The following STAT5A variants were observed in gnomAD, a reference collection of about 807,000 sequenced individuals.
STAT5A encodes signal transducer and activator of transcription 5A.
In STAT5A, 26 loss-of-function variants were observed where a neutral mutation model predicts 100.2. The observed-to-expected ratio is 0.26, with a 90% confidence interval of 0.19 to 0.36. STAT5A has a LOEUF of 0.36. Among genes scored for constraint, STAT5A ranks in the 10% least tolerant of loss-of-function variants. The pLI is 1.00. For synonymous variants in STAT5A, 330 were observed against 424.3 expected, an observed-to-expected ratio of 0.78 and a Z score of 2.73; for missense variants, 634 against 1,027.5, an observed-to-expected ratio of 0.62 and a Z score of 5.24.
At chr17:42,309,606 TGAG>T in intron 18 of STAT5A, 122 bp downstream of exon 18, 1 of 972,568 alleles carries the variant, frequency 1.0e-6, no homozygotes, top group Non-Finnish European at 1.5e-6. Flanking sequence ...CCAGGAGGAG[TGAG>T]ATCAGCCAGG....
In STAT5A at chr17:42,310,490, C is replaced by T; in HGVS notation, c.2223-17C>T. 1 of 1,613,744 alleles carries T rather than the reference C, an allele frequency of 6.2e-7. No homozygotes were observed. Among genetic ancestry groups the T allele is most frequent in the Non-Finnish European group, 8.5e-7 (1 of 1,179,722 alleles). ...GAGACATGCCAGCTCCCTCTGACAT[C>T]CCCCTGTCTTTACCAGCCCTGACCA... On this transcript the variant is annotated splice_polypyrimidine_tract_variant and intron_variant, in intron 18 of 18. Coordinates refer to ENST00000590949, the MANE Select transcript of STAT5A (RefSeq NM_001288718.2).
chr17:42,290,087 TG>T, intron 3 of STAT5A, 65 bp downstream of exon 3: 4 of 1,496,702 alleles, frequency 2.7e-6, no homozygotes, highest in Non-Finnish European at 3.6e-6. Flanking sequence ...TCAGAACCCC[TG>T]GGTTTTTTCC....
chr17:42,298,407 T>C (rs2080940476), intron 5 of STAT5A, among the ~76,000 whole-genome samples: 1 of 152,070 alleles, frequency 6.6e-6, no homozygotes, highest in Non-Finnish European at 1.5e-5. Context: ...GTGATCTGCC[T>C]GTCTCAGCCT....
In STAT5A at chr17:42,310,589, C is replaced by T. The variant is rs1387284839; in HGVS notation, c.2305C>T (p.Arg769Cys). 2 of 1,614,116 alleles carry T rather than the reference C, an allele frequency of 1.2e-6. No individual in the cohort carries two copies. Among genetic ancestry groups the T allele is most frequent in the Non-Finnish European group, 1.7e-6 (2 of 1,180,044 alleles). The change falls in exon 19 of 19, where the codon CGC (arginine) becomes TGC (cysteine). Residue 769 changes from arginine to cysteine, a missense_variant. By Grantham distance (180) the Arg-to-Cys change is radical. Around this residue, in one of 5 missense-constraint regions of STAT5A, gnomAD observed 88 missense variants for 95.1 expected, o/e 0.92. Transcript: ENST00000590949. ...GGCCAGGCACGTGGAGGAACTCTTA[C>T]GCCGACCAATGGACAGTCTTGACTC... The part of the protein sequence containing the change: ...DVARHVEELL[R>C]RPMDSLDSRL...
In STAT5A at chr17:42,306,059, G is replaced by A. The variant is rs886426485; in HGVS notation, c.1474-182G>A. ...CCCTGCATCGGTTTTCTTCCCTGCA[G>A]GCTGGGAAAAAAAGTGCAAGCTAGT... On this transcript the variant is annotated intron_variant, in intron 12 of 18. Coordinates refer to ENST00000590949, the MANE Select transcript of STAT5A (RefSeq NM_001288718.2). 8 of 1,060,788 alleles carry A rather than the reference G, an allele frequency of 7.5e-6. No homozygotes were observed. In the African/African-American group the frequency reaches 1.3e-4, roughly 17 times the overall value. The allele number at this position is 1,060,788 out of a possible 1,614,324, so 65.7% of individuals were successfully genotyped here. A position where few individuals can be genotyped will look rare whatever the true frequency, so the allele number is the denominator to read the frequency against.
At position 42,301,327 on chromosome 17, in the gene STAT5A, T is replaced by C; in HGVS notation, c.1042T>C (p.Phe348Leu). 6.2e-7 allele frequency: 1 copy of C among 1,614,064 alleles called. No homozygotes were observed. Among genetic ancestry groups the C allele is most frequent in the Non-Finnish European group, 8.5e-7 (1 of 1,180,012 alleles). ...PPQVLKTQTK[F>L]AATVRLLVGG... The stretch of plus-strand genomic sequence containing the variant: ...TCAGGTCCTGAAGACCCAGACCAAG[T>C]TTGCAGCCACCGTACGCCTGCTGGT... Residue 348 changes from phenylalanine to leucine, a missense_variant, in exon 9 of 19, where the codon TTT (phenylalanine) becomes CTT (leucine). Around this residue, in one of 5 missense-constraint regions of STAT5A, gnomAD observed 98 missense variants for 149.7 expected, o/e 0.65. Transcript: ENST00000590949.
intron 11 of STAT5A, among the ~76,000 whole-genome samples, chr17:42,305,187 G>A (rs1699361679): frequency 1.3e-5 from 2 of 152,054 alleles, no homozygotes; most frequent in Admixed American, 6.6e-5. Flanking sequence ...GCGACCGAGC[G>A]AGACCCTGTC....
intron 5 of STAT5A, among the ~76,000 whole-genome samples, chr17:42,298,125 T>C (rs558508842): frequency 0.044 from 6,612 of 150,942 alleles, 308 homozygotes; most frequent in African/African-American, 0.12. Context: ...ACAGGCGCCC[T>C]TGTGTTCCAC....
intron 8 of STAT5A, 127 bp downstream of exon 8, chr17:42,300,997 A>T: frequency 6.5e-7 from 1 of 1,542,306 alleles, no homozygotes; most frequent in East Asian, 2.4e-5. Flanking sequence ...CTCCATCTCC[A>T]GTTGCTGTGG....
Position 42,310,782 on chromosome 17 carries a change from GT to G in STAT5A, c.*114del. The G allele has an allele frequency of 1.1e-6, 1 of 872,238 alleles. No individual in the cohort carries two copies. Among genetic ancestry groups the G allele is most frequent in the Non-Finnish European group, 1.5e-6 (1 of 673,572 alleles). 54.0% of individuals were successfully genotyped at this position (872,238 alleles called of 1,614,324 possible). On this transcript the variant is annotated 3_prime_UTR_variant, in exon 19 of 19. Coordinates refer to ENST00000590949, the MANE Select transcript of STAT5A (RefSeq NM_001288718.2). ...CCTTTGCAGGCATGCATGTGCTTGT[GT>G]GTGTGTGTGTGTGTGTGTCCTTGTG...
At chr17:42,296,616 C>A (rs1368663340) in intron 5 of STAT5A, among the ~76,000 whole-genome samples, 1 of 151,978 alleles carries the variant, frequency 6.6e-6, no homozygotes, top group Admixed American at 6.6e-5. Context: ...TGATTTTAGA[C>A]CTTTCTTCTT....
chr17:42,305,101 G>A (rs895782141), intron 11 of STAT5A, among the ~76,000 whole-genome samples: 5 of 152,228 alleles, frequency 3.3e-5, no homozygotes, highest in African/African-American at 1.2e-4. Context: ...TCTGGAGGCT[G>A]AGGCAGGAGG....
At chr17:42,289,664 G>T in intron 2 of STAT5A, 125 bp downstream of exon 2, 2 of 1,450,718 alleles carry the variant, frequency 1.4e-6, no homozygotes, top group Non-Finnish European at 1.8e-6. Flanking sequence ...TGCGGAAGGG[G>T]TGGTGCCCCT....
chr17:42,305,225 A>G (rs1775820961), intron 11 of STAT5A, among the ~76,000 whole-genome samples: 1 of 152,030 alleles, frequency 6.6e-6, no homozygotes, highest in Admixed American at 6.6e-5. Flanking sequence ...GATTGCGGCC[A>G]TGGGTGGTGG....
intron 15 of STAT5A, among the ~76,000 whole-genome samples, 163 bp downstream of exon 15, chr17:42,307,886 T>C (rs1004623795): frequency 6.6e-6 from 1 of 152,172 alleles, no homozygotes; most frequent in Non-Finnish European, 1.5e-5. Flanking sequence ...TCTATTGTTT[T>C]CCATTTTGGA....
chr17:42,302,376 G>C (rs1490201379), intron 9 of STAT5A, among the ~76,000 whole-genome samples: 1 of 152,122 alleles, frequency 6.6e-6, no homozygotes, highest in Non-Finnish European at 1.5e-5. Flanking sequence ...TCTTCTTGCA[G>C]GATTAAAGAA....
At chr17:42,299,191 G>T (rs1225866038) in intron 5 of STAT5A, among the ~76,000 whole-genome samples, 8 of 152,156 alleles carry the variant, frequency 5.3e-5, no homozygotes, top group Non-Finnish European at 1.2e-4. Flanking sequence ...TCTTCTCTCT[G>T]TCCTGTTCCC....
At chr17:42,295,544 A>G in intron 4 of STAT5A, 75 bp from the exon 5 acceptor site, 2 of 1,507,972 alleles carry the variant, frequency 1.3e-6, no homozygotes, top group Non-Finnish European at 1.8e-6. Context: ...GGTCTGTAGT[A>G]TTGGTGTTTC....
chr17:42,307,283 G>A, intron 13 of STAT5A, 119 bp from the exon 14 acceptor site: 1 of 950,506 alleles, frequency 1.1e-6, no homozygotes, highest in South Asian at 1.4e-5. Context: ...CTGGAGTGTG[G>A]TGGCAAGCAG....
Sources: allele counts gnomAD v4.1 joint callset (sites outside exome capture counted in the v4.1 genomes callset), GRCh38; gene constraint gnomAD v4.1.1; regional missense constraint gnomAD v4.1.1; transcripts MANE v1.5; gene names NCBI Gene and HGNC (gene_info 2026-07-23, HGNC 2026-07-21).